The following LRIG2 variants were observed in gnomAD, a reference collection of about 807,000 sequenced individuals.
The protein encoded by LRIG2 is leucine-rich repeats and immunoglobulin-like domains protein 2.
LRIG2 carries 93 observed loss-of-function variants against 107.8 expected under a neutral mutation model. That is an observed-to-expected ratio of 0.86 (90% CI 0.73 to 1.03). LRIG2 has a LOEUF of 1.03. Among genes scored for constraint, LRIG2 ranks in the 50% least tolerant of loss-of-function variants. The pLI is 0.00. For synonymous variants in LRIG2, 471 were observed against 470.6 expected (o/e 1.00, Z -0.01); for missense variants, 1,226 against 1,296.0 (o/e 0.95, Z 0.83).
rs756644581 is a variant in LRIG2 at position 113,094,605 on chromosome 1, G to A, written c.660-7G>A. ...ATTTCCTGACTGTAAAACTATTTTT[G>A]TTAAAGGGAACTTAAAAGAAACAGA... On this transcript the variant is annotated splice_polypyrimidine_tract_variant and splice_region_variant and intron_variant, in intron 5 of 17. Coordinates refer to ENST00000361127, the MANE Select transcript of LRIG2 (RefSeq NM_014813.3). The A allele has an allele frequency of 7.5e-6, 12 of 1,607,192 alleles. No individual in the cohort carries two copies. In the African/African-American group the frequency reaches 1.1e-4, roughly 14 times the overall value.
intron 12 of LRIG2, among the ~76,000 whole-genome samples, chr1:113,108,926 T>C (rs967695325): frequency 6.6e-6 from 1 of 152,200 alleles, no homozygotes; most frequent in African/African-American, 2.4e-5. Context: ...TTCTTAGCTT[T>C]ACATAGGAGA....
chr1:113,095,740 A>G (rs1053598211), intron 6 of LRIG2, 134 bp from the exon 7 acceptor site: 1 of 757,314 alleles, frequency 1.3e-6, no homozygotes, highest in Non-Finnish European at 2.1e-6. Context: ...ATTCATTTTT[A>G]TTGAATAGAA....
At chr1:113,114,212 A>G (rs1289740856) in intron 14 of LRIG2, among the ~76,000 whole-genome samples, 1 of 152,062 alleles carries the variant, frequency 6.6e-6, no homozygotes, top group African/African-American at 2.4e-5. Context: ...AGCTGCCCTG[A>G]ACTTCTTTCT....
At position 113,124,167 on chromosome 1, in the gene LRIG2, C is replaced by A; in HGVS notation, c.*66C>A. On this transcript the variant is annotated 3_prime_UTR_variant, in exon 18 of 18. Transcript: ENST00000361127. ...TAATTTTGCATTTACTACCTCAGAG[C>A]TCAGAAGAAACTCCGAAGTCAGCAT... The A allele has an allele frequency of 1.4e-6, 2 of 1,385,442 alleles. No individual in the cohort carries two copies. The highest frequency in any genetic ancestry group is 2.0e-6 in the Non-Finnish European group (2 of 983,928). The allele number at this position is 1,385,442 out of a possible 1,614,324, so 85.8% of individuals were successfully genotyped here. A position where few individuals can be genotyped will look rare whatever the true frequency, so the allele number is the denominator to read the frequency against.
chr1:113,104,870 G>A (rs767225671), intron 11 of LRIG2, among the ~76,000 whole-genome samples: 22 of 152,168 alleles, frequency 1.4e-4, no homozygotes, highest in African/African-American at 4.6e-4. Flanking sequence ...TACCTCAACC[G>A]GGCACGATGG....
rs139116622 is a variant in LRIG2 at position 113,119,299 on chromosome 1, G to T, written c.2747G>T (p.Arg916Leu). The T allele has an allele frequency of 4.3e-6, 7 of 1,614,076 alleles. No individual in the cohort carries two copies. The highest frequency in any genetic ancestry group is 4.2e-6 in the Non-Finnish European group (5 of 1,180,014). The part of the protein sequence containing the change: ...YDNANIYSRT[R>L]EYCPYTYIAE... ...AATGCCAACATCTACTCCAGGACCC[G>T]AGAATACTGTCCATACACCTATATT... is the stretch of plus-strand genomic sequence containing the variant. Residue 916 changes from arginine (R) to leucine (L), a missense_variant, in exon 17 of 18, where the codon CGA becomes CTA. Physicochemically the swap from Arg to Leu is moderately radical, Grantham distance 102. This residue lies in a region of LRIG2 where 642 missense variants were observed against 712.2 expected (regional missense o/e 0.90). Transcript: ENST00000361127.
chr1:113,075,841 G>A (rs558097734), intron 1 of LRIG2, among the ~76,000 whole-genome samples: 2 of 148,318 alleles, frequency 1.3e-5, no homozygotes, highest in African/African-American at 2.5e-5. Context: ...GATTACAGGC[G>A]TGCGCTACCA....
rs137940026 is a variant in LRIG2 at position 113,124,092 on chromosome 1, G to C, written c.3189G>C (p.Glu1063Asp). The change falls in exon 18 of 18, where the codon GAG becomes GAC. Residue 1063 changes from glutamate (E) to aspartate (D), a missense_variant. Physicochemically the swap from Glu to Asp is conservative, Grantham distance 45 (BLOSUM62 2). Transcript: ENST00000361127. ...CTCGGAACATTCAAGATGGTAGTGAGGGCACATGAAACTCACTTCAGGATG... is the reference window on the plus strand; with the variant it reads ...CTCGGAACATTCAAGATGGTAGTGACGGCACATGAAACTCACTTCAGGATG... ...SRTRNIQDGS[E>D]GT 81 of 1,613,840 alleles carry C rather than the reference G, an allele frequency of 5.0e-5. No individual in the cohort carries two copies. In the African/African-American group the frequency reaches 1.1e-3, roughly 21 times the overall value.
At position 113,113,498 on chromosome 1, in the gene LRIG2, T is replaced by C. The variant is rs182020108; in HGVS notation, c.2080+738T>C. 2.2e-3 allele frequency among the ~76,000 whole-genome samples: 332 copies of C among 150,884 alleles called. 1 individual carries two copies. Among genetic ancestry groups the C allele is most frequent in the African/African-American group, 7.4e-3 (306 of 41,372 alleles). On this transcript the variant is annotated intron_variant, in intron 14 of 17. Transcript: ENST00000361127. Reference sequence around the variant, plus strand: ...TTTTAAGTTTGTTGGTTTGTATTGTTTACTTGTATAACCAGAAAAATAAGA... The same window carrying C: ...TTTTAAGTTTGTTGGTTTGTATTGTCTACTTGTATAACCAGAAAAATAAGA...
chr1:113,087,859 C>G (rs898541881), intron 1 of LRIG2, among the ~76,000 whole-genome samples: 4 of 152,178 alleles, frequency 2.6e-5, no homozygotes, highest in African/African-American at 9.7e-5. Flanking sequence ...AATTTTCTTA[C>G]AGTTTTGGAG....
At chr1:113,080,361 A>G (rs1304324256) in intron 1 of LRIG2, among the ~76,000 whole-genome samples, 1 of 150,366 alleles carries the variant, frequency 6.7e-6, no homozygotes, top group Non-Finnish European at 1.5e-5. Flanking sequence ...ACCCATTCTA[A>G]TTTGCTTCTG....
intron 6 of LRIG2, among the ~76,000 whole-genome samples, 192 bp downstream of exon 6, chr1:113,094,947 C>T (rs1250576862): frequency 6.7e-6 from 1 of 149,724 alleles, no homozygotes; most frequent in African/African-American, 2.4e-5. Flanking sequence ...ATAATTCTTA[C>T]AAACTTCTCA....
intron 17 of LRIG2, among the ~76,000 whole-genome samples, chr1:113,120,650 A>G (rs2101069414): frequency 6.6e-6 from 1 of 151,616 alleles, no homozygotes; most frequent in East Asian, 2.0e-4. Flanking sequence ...AGCTGGGATT[A>G]CAGGCATGTG....
At chr1:113,083,859 G>A (rs1314002193) in intron 1 of LRIG2, among the ~76,000 whole-genome samples, 1 of 108,694 alleles carries the variant, frequency 9.2e-6, no homozygotes, top group Admixed American at 1.1e-4. Context: ...GTTGTGGGGT[G>A]GGGGGAGGGG....
At chr1:113,116,500 G>A in intron 16 of LRIG2, 64 bp downstream of exon 16, 5 of 1,425,172 alleles carry the variant, frequency 3.5e-6, no homozygotes, top group Non-Finnish European at 4.8e-6. Context: ...TTTTCAGTGT[G>A]TAGTTTCTCC....
chr1:113,100,554 T>C, intron 11 of LRIG2, 66 bp downstream of exon 11: 1 of 912,860 alleles, frequency 1.1e-6, no homozygotes, highest in Non-Finnish European at 1.7e-6. Context: ...GCTTAAAGTG[T>C]GATGGGAGTG....
chr1:113,076,279 T>G (rs1462449565), intron 1 of LRIG2, among the ~76,000 whole-genome samples: 1 of 152,224 alleles, frequency 6.6e-6, no homozygotes, highest in African/African-American at 2.4e-5. Flanking sequence ...GTGCTAGGAT[T>G]ACAGGCACGA....
chr1:113,119,336 C>T lies in LRIG2; in HGVS notation c.2784C>T (p.Asp928=), dbSNP rs767075766. 33 of 1,613,922 alleles carry T rather than the reference C, an allele frequency of 2.0e-5. No individual in the cohort carries two copies. Among genetic ancestry groups the T allele is most frequent in the African/African-American group, 5.3e-5 (4 of 74,874 alleles). The change falls in exon 17 of 18, where the codon GAC becomes GAT. Residue 928 remains aspartate, a synonymous_variant. Transcript: ENST00000361127. ...YCPYTYIAEE[D]VLDQTLSSLM... is the part of the protein sequence containing the mutation. ...CATACACCTATATTGCTGAGGAGGA[C>T]GTTCTTGATCAGACACTGTCCAGCC...
intron 11 of LRIG2, among the ~76,000 whole-genome samples, chr1:113,106,176 C>T (rs1654532693): frequency 6.6e-6 from 1 of 151,464 alleles, no homozygotes; most frequent in Non-Finnish European, 1.5e-5. Context: ...TGCAGTGGGC[C>T]GAGATTGCGC....
Sources: allele counts gnomAD v4.1 joint callset (sites outside exome capture counted in the v4.1 genomes callset), GRCh38; gene constraint gnomAD v4.1.1; regional missense constraint gnomAD v4.1.1; transcripts MANE v1.5; gene names NCBI Gene and HGNC (gene_info 2026-07-23, HGNC 2026-07-21).